AKR1E2: variants seen among roughly 807,000 people sequenced by gnomAD.
AKR1E2 encodes 1,5-anhydro-D-fructose reductase.
AKR1E2 carries 43 observed loss-of-function variants against 41.9 expected under a neutral mutation model. The ratio of observed to expected loss-of-function variants is 1.03; its 90% CI spans 0.80 to 1.32. The LOEUF (loss-of-function observed/expected upper bound fraction) is 1.32. AKR1E2 is among the 40% of genes most tolerant of loss of function. AKR1E2 has a pLI of 0.00. For synonymous variants in AKR1E2, 121 were observed against 138.9 expected (o/e 0.87, Z 0.91); for missense variants, 423 against 396.5 (o/e 1.07, Z -0.57).
chr10:4,835,622 T>TTTTGG, intron 3 of AKR1E2, 53 bp from the exon 4 acceptor site: 4 of 1,553,832 alleles, frequency 2.6e-6, no homozygotes, highest in Non-Finnish European at 3.5e-6. Context: ...CACATGGTTT[T>TTTTGG]TTTTGTTTTG....
At chr10:4,858,965 A>G in the AKR1E2 span, among the ~76,000 whole-genome samples, 37 of 151,746 alleles carry the variant, frequency 2.4e-4, no homozygotes, top group Admixed American at 5.9e-4. Context: ...CTGGGATTAC[A>G]GGCATCCACC....
Position 4,839,634 on chromosome 10 carries a change from G to A in AKR1E2, c.583-95G>A, listed in dbSNP as rs148022925. ...CTGGAGCTGGGCCCCATGGCTACTC[G>A]GTGACAGCCAAGACTTTGACGCAGG... On this transcript the variant is annotated intron_variant, in intron 5 of 9. Transcript: ENST00000298375. 1,034 of 1,153,214 alleles carry A rather than the reference G, an allele frequency of 9.0e-4. 1 individual carries two copies. The highest frequency in any genetic ancestry group is 9.1e-4 in the Non-Finnish European group (701 of 774,072). The allele number at this position is 1,153,214 out of a possible 1,614,324, so 71.4% of individuals were successfully genotyped here.
At chr10:4,836,794 T>G (rs569150235) in intron 4 of AKR1E2, among the ~76,000 whole-genome samples, 1 of 152,312 alleles carries the variant, frequency 6.6e-6, no homozygotes, top group Admixed American at 6.5e-5. Context: ...TTCCGGTGAT[T>G]GTTGCAGAGT....
At chr10:4,830,940 A>G (rs940248171) in intron 2 of AKR1E2, 98 bp downstream of exon 2, 1 of 1,429,384 alleles carries the variant, frequency 7.0e-7, no homozygotes, top group African/African-American at 1.4e-5. Flanking sequence ...TTTGTTTCAT[A>G]CTCAAATCGG....
the AKR1E2 span, among the ~76,000 whole-genome samples, chr10:4,854,098 T>C: frequency 8.9e-6 from 1 of 112,150 alleles, no homozygotes; most frequent in Non-Finnish European, 2.1e-5. Flanking sequence ...TTTTTTTTTT[T>C]TTTTTTTTTT....
rs757714801 is a variant in AKR1E2, at chr10:4,837,542, G to T, written c.543G>T (p.Leu181Phe). 1.1e-5 allele frequency: 18 copies of T among 1,613,402 alleles called. No individual in the cohort carries two copies. The African/African-American group carries it at 1.9e-4, about 17-fold the overall frequency. ...NFNHEQLERLLNKPGLRFKPL... is the reference protein window; with the variant it reads ...NFNHEQLERLFNKPGLRFKPL... The stretch of plus-strand genomic sequence containing the variant: ...ACCATGAACAGCTTGAGAGGCTTTT[G>T]AATAAGCCTGGGTTGAGGTTCAAGC... The change falls in exon 5 of 10, where the codon TTG (leucine) becomes TTT (phenylalanine). Residue 181 changes from leucine (L) to phenylalanine (F), a missense_variant. Coordinates refer to ENST00000298375, the MANE Select transcript of AKR1E2 (RefSeq NM_001040177.3).
chr10:4,847,713 A>T lies in AKR1E2; in HGVS notation c.*183A>T, dbSNP rs969610313. On this transcript the variant is annotated 3_prime_UTR_variant, in exon 10 of 10. Coordinates refer to ENST00000298375, the MANE Select transcript of AKR1E2 (RefSeq NM_001040177.3). The stretch of plus-strand genomic sequence containing the variant: ...GGAGAATTGAGTGTGTTCTAAGTGA[A>T]GGCAATGGGGTTTCTCCAAGACAGC... 2.3e-4 allele frequency: 149 copies of T among 659,684 alleles called. No individual in the cohort carries two copies. The highest frequency in any genetic ancestry group is 5.0e-5 in the Non-Finnish European group (19 of 380,988). The allele number at this position is 659,684 out of a possible 1,614,324, so 40.9% of individuals were successfully genotyped here.
rs150563421 is a variant in AKR1E2, at chr10:4,830,787, G to T, written c.152G>T (p.Arg51Leu). Residue 51 changes from arginine (R) to leucine (L), a missense_variant, in exon 2 of 10, where the codon CGT becomes CTT. Physicochemically the swap from Arg to Leu is moderately radical, Grantham distance 102. Coordinates refer to ENST00000298375, the MANE Select transcript of AKR1E2 (RefSeq NM_001040177.3). ...HNEREVGAGIRCKIKEGAVRR... is the reference protein window; with the variant it reads ...HNEREVGAGILCKIKEGAVRR... Reference sequence around the variant, plus strand: ...GAGAGGGAGGTTGGAGCAGGGATCCGTTGCAAGATCAAGGAAGGCGCTGTA... The same window carrying T: ...GAGAGGGAGGTTGGAGCAGGGATCCTTTGCAAGATCAAGGAAGGCGCTGTA... The T allele has an allele frequency of 1.9e-6, 3 of 1,614,128 alleles. No homozygotes were observed. The highest frequency in any genetic ancestry group is 1.3e-5 in the African/African-American group (1 of 75,040).
intron 1 of AKR1E2, among the ~76,000 whole-genome samples, chr10:4,827,642 A>G (rs561286787): frequency 1.4e-4 from 22 of 152,338 alleles, no homozygotes; most frequent in Admixed American, 8.5e-4. Flanking sequence ...GATAAAAGCT[A>G]TAAGAAGTCA....
intron 6 of AKR1E2, 87 bp downstream of exon 6, chr10:4,839,913 G>C: frequency 7.2e-6 from 9 of 1,256,798 alleles, no homozygotes; most frequent in Non-Finnish European, 1.0e-5. Context: ...CTGAGGGAGG[G>C]CTTAATGGAG....
At chr10:4,832,425 A>T (rs1833041007) in intron 2 of AKR1E2, among the ~76,000 whole-genome samples, 1 of 152,132 alleles carries the variant, frequency 6.6e-6, no homozygotes, top group Admixed American at 6.5e-5. Flanking sequence ...CCAAGCGGGG[A>T]GAATGTCTTC....
intron 5 of AKR1E2, among the ~76,000 whole-genome samples, chr10:4,837,811 G>GC (rs1324390416): frequency 2.0e-5 from 3 of 152,306 alleles, no homozygotes; most frequent in Admixed American, 1.3e-4. Flanking sequence ...CTGGTGCTTG[G>GC]CCCTCCATGT....
At chr10:4,842,906 G>A (rs906194544) in intron 8 of AKR1E2, among the ~76,000 whole-genome samples, 1 of 151,958 alleles carries the variant, frequency 6.6e-6, no homozygotes, top group South Asian at 2.1e-4. Context: ...CACCTCTGTC[G>A]CATGGAGGCA....
the AKR1E2 span, among the ~76,000 whole-genome samples, chr10:4,869,434 C>G: frequency 6.6e-6 from 1 of 152,030 alleles, no homozygotes; most frequent in African/African-American, 2.4e-5. Flanking sequence ...GTCAGTCTTG[C>G]TAGAAGCTTG....
chr10:4,841,132 G>C lies in AKR1E2; in HGVS notation c.681-653G>C, dbSNP rs138730396. ...GATGGAGTGAGTCAGGGAGCTCTCA[G>C]ACTGACTGGGGTGGGCAACTGGGCA... On this transcript the variant is annotated intron_variant, in intron 6 of 9. Transcript: ENST00000298375. Among the ~76,000 whole-genome samples the C allele has an allele frequency of 4.8e-3, 735 of 152,248 alleles. 6 individuals carry two copies. The highest frequency in any genetic ancestry group is 0.017 in the African/African-American group (707 of 41,538).
At chr10:4,841,963 G>A in intron 7 of AKR1E2, 106 bp downstream of exon 7, 1 of 1,006,026 alleles carries the variant, frequency 9.9e-7, no homozygotes, top group Non-Finnish European at 1.4e-6. Context: ...GGCTCACCCA[G>A]GTGAGTCCAT....
the AKR1E2 span, among the ~76,000 whole-genome samples, chr10:4,858,204 G>C: frequency 7.9e-5 from 12 of 152,130 alleles, no homozygotes; most frequent in Non-Finnish European, 1.5e-5. Flanking sequence ...GTAGCTCATA[G>C]TGTTAACTAC....
chr10:4,862,024 G>T, the AKR1E2 span, among the ~76,000 whole-genome samples: 69 of 152,252 alleles, frequency 4.5e-4, no homozygotes, highest in African/African-American at 1.6e-3. Flanking sequence ...GTCCTGAATG[G>T]TATTGCCTAG....
the AKR1E2 span, among the ~76,000 whole-genome samples, chr10:4,870,121 G>A: frequency 6.6e-6 from 1 of 151,918 alleles, no homozygotes; most frequent in Non-Finnish European, 1.5e-5. Context: ...GTTGCTATTG[G>A]TATTACATTA....
Sources: gnomAD v4.1 joint callset for allele counts (sites outside exome capture counted in the v4.1 genomes callset) on GRCh38, gnomAD v4.1.1 for gene constraint, MANE v1.5 for transcripts, NCBI Gene and HGNC (gene_info 2026-07-23, HGNC 2026-07-21) for gene names.